Variants in GOLGA3 observed in about 807,000 individuals in gnomAD.
GOLGA3 encodes the protein golgin A3.
Under a neutral mutation model 169.4 loss-of-function variants are expected in GOLGA3, and 75 were observed. The observed-to-expected ratio is 0.44, with a 90% CI of 0.37 to 0.54. GOLGA3 has a LOEUF of 0.54. Ranked by LOEUF, GOLGA3 falls within the 20% of genes least tolerant of loss-of-function variation. GOLGA3 has a pLI of 0.00. For missense variants in GOLGA3, 1,899 were observed against 1,930.0 expected (o/e 0.98, Z 0.30); for synonymous variants, 824 against 822.4 (o/e 1.00, Z -0.03).
intron 16 of GOLGA3, among the ~76,000 whole-genome samples, chr12:132,783,388 G>C (rs2045717329): frequency 6.6e-6 from 1 of 152,178 alleles, no homozygotes; most frequent in Admixed American, 6.5e-5. Flanking sequence ...CAGGCACTGA[G>C]CCCTGGCTAG....
At position 132,787,738 on chromosome 12, in the gene GOLGA3, TCCCCGGAGACCCCGGGAC is replaced by T. The variant is rs2045988279; in HGVS notation, c.2812-969_2812-952del. On this transcript the variant is annotated intron_variant, in intron 13 of 23. Transcript: ENST00000450791. ...CCCTCCCCGGAGACCCCGGGACCCC[TCCCCGGAGACCCCGGGAC>T]CCCTCCCCGGAGACCACGGGACCCC... Among the ~76,000 whole-genome samples the T allele has an allele frequency of 6.5e-5, 2 of 30,784 alleles. 1 individual carries two copies. 20.2% of individuals were successfully genotyped at this position (30,784 alleles called of 152,430 possible). A position where few individuals can be genotyped will look rare whatever the true frequency, so the allele number is the denominator to read the frequency against.
Position 132,784,225 on chromosome 12 carries a change from A to G in GOLGA3, c.3206T>C (p.Ile1069Thr). The G allele has an allele frequency of 6.2e-7, 1 of 1,611,150 alleles. No homozygotes were observed. Reference protein sequence around the residue: ...TLLEKELQEVIALTSQELEES... With the variant: ...TLLEKELQEVTALTSQELEES... Reference sequence around the variant, plus strand: ...CTCCAGCTCCTGGCTGGTCAGCGCTATGACCTCCTGCAGTTCCTTTTCCAG... The same window carrying G: ...CTCCAGCTCCTGGCTGGTCAGCGCTGTGACCTCCTGCAGTTCCTTTTCCAG... The change falls in exon 16 of 24, where the codon ATA (isoleucine) becomes ACA (threonine). Residue 1069 changes from isoleucine to threonine, a missense_variant. Coordinates refer to ENST00000450791, the MANE Select transcript of GOLGA3 (RefSeq NM_001389683.1).
At chr12:132,806,683 G>A (rs1477514569) in intron 6 of GOLGA3, among the ~76,000 whole-genome samples, 1 of 152,180 alleles carries the variant, frequency 6.6e-6, no homozygotes, top group Non-Finnish European at 1.5e-5. Flanking sequence ...GCCGACAGAA[G>A]ATAAATACCT....
intron 2 of GOLGA3, among the ~76,000 whole-genome samples, 153 bp downstream of exon 2, chr12:132,821,843 G>C (rs555506814): frequency 1.0e-4 from 11 of 108,718 alleles, no homozygotes; most frequent in African/African-American, 3.6e-4. Flanking sequence ...GAAAGAGCGA[G>C]ACTCCGTCTC....
intron 1 of GOLGA3, among the ~76,000 whole-genome samples, chr12:132,824,218 C>T (rs1032579180): frequency 6.6e-6 from 1 of 152,194 alleles, no homozygotes; most frequent in Non-Finnish European, 1.5e-5. Context: ...ACTGGTCACC[C>T]GTAAAAGAGG....
In GOLGA3 at chr12:132,816,699, CGA is replaced by C. The variant is rs780593171; in HGVS notation, c.245_246del (p.Leu82ArgfsTer10). The C allele has an allele frequency of 2.5e-6, 4 of 1,613,994 alleles. No individual in the cohort carries two copies. The African/African-American group carries it at 5.3e-5, about 22-fold the overall frequency. ...GGGCCCACTGGGCTTGTGGTGGGAT[CGA>C]GAGACGACGGAGGGTCTGGGAAGGG... ...TPPFPDPPSS[L>X]DPTTSPVGPD... On this transcript the variant is annotated frameshift_variant, in exon 3 of 24. Transcript: ENST00000450791. LOFTEE classifies it high-confidence loss of function.
intron 9 of GOLGA3, among the ~76,000 whole-genome samples, chr12:132,797,948 C>T (rs181882367): frequency 3.2e-4 from 49 of 152,374 alleles, no homozygotes; most frequent in African/African-American, 1.1e-3. Flanking sequence ...CAGGCAAAAA[C>T]GCACTGGCCC....
chr12:132,775,215 T>C lies in GOLGA3; in HGVS notation c.4069A>G (p.Lys1357Glu), dbSNP rs1384767630. ...FMLQAKVSEL[K>E]NNMKTLLQQN... ...TGGAGCAGGGTCTTCATGTTGTTCT[T>C]CAGCTCCGACACTTTTGCCTGGAGC... The change falls in exon 22 of 24, where the codon AAG (lysine) becomes GAG (glutamate). Residue 1357 changes from lysine (K) to glutamate (E), a missense_variant. Transcript: ENST00000450791. The C allele has an allele frequency of 1.2e-6, 2 of 1,614,208 alleles. No individual in the cohort carries two copies. The highest frequency in any genetic ancestry group is 1.1e-5 in the South Asian group (1 of 91,084).
intron 5 of GOLGA3, 131 bp downstream of exon 5, chr12:132,807,760 G>GGC: frequency 5.9e-5 from 15 of 253,652 alleles, no homozygotes; most frequent in East Asian, 9.9e-5. Context: ...GCCCGTCTCT[G>GGC]CCCACCCCGC....
Position 132,804,360 on chromosome 12 carries a change from G to A in GOLGA3, c.1597+356C>T, listed in dbSNP as rs1371698314. Reference sequence around the variant, plus strand: ...CAAGACCTAATTCATTCCCCTGGATGTGCACACAAAAATGTACACAATTCC... The same window carrying A: ...CAAGACCTAATTCATTCCCCTGGATATGCACACAAAAATGTACACAATTCC... On this transcript the variant is annotated intron_variant, in intron 7 of 23. Coordinates refer to ENST00000450791, the MANE Select transcript of GOLGA3 (RefSeq NM_001389683.1). The surrounding 1 kb of genome is among the most constrained non-coding windows in gnomAD (Gnocchi z 4.1). 6.6e-6 allele frequency among the ~76,000 whole-genome samples: 1 copy of A among 152,216 alleles called. No homozygotes were observed. The highest frequency in any genetic ancestry group is 2.4e-5 in the African/African-American group (1 of 41,452).
Position 132,795,911 on chromosome 12 carries a change from C to T in GOLGA3, c.2410G>A (p.Glu804Lys), listed in dbSNP as rs372295538. 22 of 1,614,024 alleles carry T rather than the reference C, an allele frequency of 1.4e-5. No homozygotes were observed. The highest frequency in any genetic ancestry group is 3.3e-5 in the Admixed American group (2 of 60,010). ...TTCTCTAAAGTTTCCGACGTTTCCT[C>T]GGTACCTTCTTCCAAGCGTCTTGCT... ...RGARRLEEGT[E>K]ETSETLEKLR... The change falls in exon 11 of 24, where the codon GAG (glutamate) becomes AAG (lysine). Residue 804 changes from glutamate to lysine, a missense_variant. Physicochemically the swap from Glu to Lys is moderately conservative, Grantham distance 56 (BLOSUM62 1). Transcript: ENST00000450791.
At position 132,777,899 on chromosome 12, in the gene GOLGA3, G is replaced by A. The variant is rs900445; in HGVS notation, c.3583-94C>T. 322,879 of 1,367,164 alleles carry A rather than the reference G, an allele frequency of 0.24. 39,893 individuals are homozygous for A. The highest frequency in any genetic ancestry group is 0.38 in the South Asian group (27,450 of 72,772). The allele number at this position is 1,367,164 out of a possible 1,614,324, so 84.7% of individuals were successfully genotyped here. ...AGGGGGTGAATGCACTCCCGGCCCC[G>A]TGCATGTCCTGGCTGCCGGCGTGTG... On this transcript the variant is annotated intron_variant, in intron 18 of 23. Transcript: ENST00000450791. The surrounding 1 kb of genome is among the most constrained non-coding windows in gnomAD (Gnocchi z 4.7).
In GOLGA3 at chr12:132,828,844, C is replaced by G. The variant is rs1369790662; in HGVS notation, c.-225G>C. 4 of 152,274 alleles carry G rather than the reference C, an allele frequency of 2.6e-5. No homozygotes were observed. The East Asian group carries it at 7.7e-4, about 29-fold the overall frequency. 9.4% of individuals were successfully genotyped at this position (152,274 alleles called of 1,614,324 possible). A position where few individuals can be genotyped will look rare whatever the true frequency, so the allele number is the denominator to read the frequency against. ...CCCCGGAGGCCGCCCGGCCCGGATG[C>G]TCCGGCGGAGACGTGGCCGTGAGAG... On this transcript the variant is annotated 5_prime_UTR_variant, in exon 1 of 24. Coordinates refer to ENST00000450791, the MANE Select transcript of GOLGA3 (RefSeq NM_001389683.1).
rs762029324 is a variant in GOLGA3 at position 132,801,996 on chromosome 12, AGGCCAGCGAC to A, written c.1598-37_1598-28del. On this transcript the variant is annotated intron_variant, in intron 7 of 23. Transcript: ENST00000450791. ...TGAAATGGGGCAAGCACAGCGGCTCAGGCCAGCGACGGCCAACGGGGGAGTCCGCAGCTCC... is the reference window on the plus strand; with the variant it reads ...TGAAATGGGGCAAGCACAGCGGCTCAGGCCAACGGGGGAGTCCGCAGCTCC... The A allele has an allele frequency of 5.7e-6, 9 of 1,579,378 alleles. No homozygotes were observed. In the African/African-American group the frequency reaches 9.4e-5, roughly 16 times the overall value.
At chr12:132,795,560 A>G (rs945910477) in intron 11 of GOLGA3, among the ~76,000 whole-genome samples, 1 of 152,180 alleles carries the variant, frequency 6.6e-6, no homozygotes. Flanking sequence ...TAGGAGTTTG[A>G]GACTAGCCTG....
At chr12:132,794,324 GTATC>G (rs1429173220) in intron 11 of GOLGA3, among the ~76,000 whole-genome samples, 9 of 141,462 alleles carry the variant, frequency 6.4e-5, no homozygotes, top group African/African-American at 1.8e-4. Context: ...GCAAAACCCC[GTATC>G]TATTTAAAAA....
rs2044843543 is a variant in GOLGA3 at position 132,770,305 on chromosome 12, CGA to C, written c.*2798_*2799del. 2 of 149,768 alleles carry C rather than the reference CGA, an allele frequency of 1.3e-5. No individual in the cohort carries two copies. Among genetic ancestry groups the C allele is most frequent in the Non-Finnish European group, 2.9e-5 (2 of 68,024 alleles). The allele number at this position is 149,768 out of a possible 1,614,324, so 9.3% of individuals were successfully genotyped here. A position where few individuals can be genotyped will look rare whatever the true frequency, so the allele number is the denominator to read the frequency against. On this transcript the variant is annotated 3_prime_UTR_variant, in exon 24 of 24. Transcript: ENST00000450791. ...AAGGAAGGAAGTGTCCGCGTGAACACGAGAGGCCTCAGATCCAGAAGCACAAG... is the reference window on the plus strand; with the variant it reads ...AAGGAAGGAAGTGTCCGCGTGAACACGAGGCCTCAGATCCAGAAGCACAAG...
At chr12:132,788,322 A>G (rs1381928960) in intron 13 of GOLGA3, among the ~76,000 whole-genome samples, 1 of 152,154 alleles carries the variant, frequency 6.6e-6, no homozygotes, top group Non-Finnish European at 1.5e-5. Flanking sequence ...AGCAAAACGT[A>G]GCACTTGGTC....
chr12:132,786,607 C>A (rs539865229), intron 14 of GOLGA3, 52 bp from the exon 15 acceptor site: 2 of 1,597,268 alleles, frequency 1.3e-6, no homozygotes, highest in East Asian at 4.5e-5. Context: ...CCCGATGTGA[C>A]CGTCTGGCAT....
Sources: gnomAD v4.1 joint callset for allele counts (sites outside exome capture counted in the v4.1 genomes callset) on GRCh38, gnomAD v4.1.1 for gene constraint, Gnocchi (gnomAD v3.1) non-coding constraint, MANE v1.5 for transcripts, NCBI Gene and HGNC (gene_info 2026-07-23, HGNC 2026-07-21) for gene names.